LINGO2: variants seen among roughly 807,000 people sequenced by gnomAD.
LINGO2 encodes the protein leucine-rich repeat and immunoglobulin-like domain-containing nogo receptor-interacting protein 2.
A neutral mutation model predicts 30.6 loss-of-function variants in LINGO2; 14 were observed. The observed-to-expected ratio is 0.46, with a 90% confidence interval of 0.30 to 0.72. The LOEUF (loss-of-function observed/expected upper bound fraction) is 0.72, where lower values mean the gene tolerates loss of function less well. Among genes scored for constraint, LINGO2 ranks in the 30% least tolerant of loss-of-function variants. The probability of loss-of-function intolerance (pLI) is 0.07; values close to 1 mark genes in which losing one functional copy is unlikely to be tolerated. For synonymous variants in LINGO2, 317 were observed against 288.5 expected, an observed-to-expected ratio of 1.10 and a Z score of -1.00; for missense variants, 729 against 751.7, an observed-to-expected ratio of 0.97 and a Z score of 0.35.
chr9:29,115,340 T>G, the LINGO2 span, among the ~76,000 whole-genome samples: 43 of 152,192 alleles, frequency 2.8e-4, no homozygotes, highest in African/African-American at 9.9e-4. Context: ...AAATAATAGT[T>G]TATTGGTAAT....
chr9:28,021,870 T>G (rs1823144008), intron 4 of LINGO2, among the ~76,000 whole-genome samples: 1 of 152,008 alleles, frequency 6.6e-6, no homozygotes, highest in Admixed American at 6.6e-5. Context: ...ATCTTTAAAG[T>G]GGGTTTTCTT....
chr9:28,443,765 C>T (rs1824293604), intron 2 of LINGO2, among the ~76,000 whole-genome samples: 1 of 152,148 alleles, frequency 6.6e-6, no homozygotes. Flanking sequence ...CGGCCCTCAG[C>T]ATGGACAGCC....
the LINGO2 span, among the ~76,000 whole-genome samples, chr9:28,705,709 T>C: frequency 6.6e-6 from 1 of 152,132 alleles, no homozygotes; most frequent in East Asian, 1.9e-4. Flanking sequence ...CCAGTATGAA[T>C]GTCCTCGCTG....
intron 4 of LINGO2, among the ~76,000 whole-genome samples, chr9:28,020,998 C>A (rs560518559): frequency 1.5e-3 from 221 of 152,002 alleles, no homozygotes; most frequent in African/African-American, 4.7e-3. Context: ...CTTTTGGTTT[C>A]ATTTCTTTTC....
intron 2 of LINGO2, among the ~76,000 whole-genome samples, chr9:28,469,383 A>T (rs576089313): frequency 6.6e-6 from 1 of 152,264 alleles, no homozygotes; most frequent in Non-Finnish European, 1.5e-5. Context: ...TAAAAGAGAG[A>T]TAAAGTGATA....
Position 28,342,238 on chromosome 9 carries a change from T to A in LINGO2, c.-246+30598A>T, listed in dbSNP as rs76887403. On this transcript the variant is annotated intron_variant, in intron 3 of 5. Transcript: ENST00000379992. ...TTTTGCCTGCTGTGTTTCAACCCTGTCTTCTAATCTATGTTGTTACTTGTC... is the reference window on the plus strand; with the variant it reads ...TTTTGCCTGCTGTGTTTCAACCCTGACTTCTAATCTATGTTGTTACTTGTC... Among the ~76,000 whole-genome samples, 2,028 of 152,256 alleles carry A rather than the reference T, an allele frequency of 0.013. 76 individuals carry two copies. The East Asian group carries it at 0.15, about 11-fold the overall frequency.
chr9:28,879,370 C>T, the LINGO2 span, among the ~76,000 whole-genome samples: 3 of 152,096 alleles, frequency 2.0e-5, no homozygotes, highest in African/African-American at 2.4e-5. Context: ...AAATTTGGTG[C>T]TCAGTTTGGT....
At chr9:28,103,149 GT>G (rs1826467681) in intron 4 of LINGO2, among the ~76,000 whole-genome samples, 1 of 152,132 alleles carries the variant, frequency 6.6e-6, no homozygotes, top group African/African-American at 2.4e-5. Flanking sequence ...AACTTAAGGT[GT>G]TTAAAGGTAA....
the LINGO2 span, among the ~76,000 whole-genome samples, chr9:29,040,699 G>A: frequency 6.6e-6 from 1 of 151,904 alleles, no homozygotes; most frequent in African/African-American, 2.4e-5. Flanking sequence ...CACACAATCA[G>A]TAGAATGCAT....
the LINGO2 span, among the ~76,000 whole-genome samples, chr9:29,081,885 C>T: frequency 6.6e-6 from 1 of 151,720 alleles, no homozygotes; most frequent in African/African-American, 2.4e-5. Flanking sequence ...TGTGAAGGAC[C>T]TCTTCAAGGA....
the LINGO2 span, among the ~76,000 whole-genome samples, chr9:28,991,925 A>G: frequency 6.6e-6 from 1 of 152,186 alleles, no homozygotes; most frequent in African/African-American, 2.4e-5. Flanking sequence ...CAAATTGTAA[A>G]GACCATCGAG....
chr9:28,896,366 T>C, the LINGO2 span, among the ~76,000 whole-genome samples: 2 of 152,172 alleles, frequency 1.3e-5, no homozygotes, highest in Non-Finnish European at 2.9e-5. Flanking sequence ...CATGTTTTCC[T>C]GTCACTGTAT....
intron 2 of LINGO2, among the ~76,000 whole-genome samples, chr9:28,409,705 A>C (rs1822670719): frequency 6.6e-6 from 1 of 151,750 alleles, no homozygotes; most frequent in Non-Finnish European, 1.5e-5. Context: ...TCACACACTA[A>C]TAATGTCCAG....
chr9:27,975,172 T>G (rs190910892), intron 5 of LINGO2, among the ~76,000 whole-genome samples: 182 of 152,250 alleles, frequency 1.2e-3, no homozygotes, highest in African/African-American at 4.2e-3. Flanking sequence ...AAATTCTGTG[T>G]GTCGAATCCA....
rs1165712984 is a variant in LINGO2 at position 28,044,041 on chromosome 9, T to A, written c.-86-31636A>T. Among the ~76,000 whole-genome samples the A allele has an allele frequency of 2.6e-5, 4 of 152,244 alleles. No homozygotes were observed. In the East Asian group the frequency reaches 7.7e-4, roughly 29 times the overall value. On this transcript the variant is annotated intron_variant, in intron 4 of 5. Transcript: ENST00000379992. Reference sequence around the variant, plus strand: ...TCGAATGTGAAGCTCCATGCCTTTGTACTAGCAGTTTTAGATCTGTCTTTA... The same window carrying A: ...TCGAATGTGAAGCTCCATGCCTTTGAACTAGCAGTTTTAGATCTGTCTTTA...
At chr9:28,275,575 G>A (rs539800679) in intron 4 of LINGO2, among the ~76,000 whole-genome samples, 101 of 152,160 alleles carry the variant, frequency 6.6e-4, no homozygotes, top group African/African-American at 2.4e-3. Context: ...AGCACAAGAA[G>A]GTGTCTTCTG....
intron 4 of LINGO2, among the ~76,000 whole-genome samples, chr9:28,194,113 G>C (rs1819923510): frequency 6.6e-6 from 1 of 152,142 alleles, no homozygotes. Context: ...CTTTCCAAAA[G>C]GGGATTGTTG....
At chr9:29,155,813 T>C in the LINGO2 span, among the ~76,000 whole-genome samples, 3 of 152,108 alleles carry the variant, frequency 2.0e-5, no homozygotes, top group Non-Finnish European at 2.9e-5. Flanking sequence ...TGACAGTTTA[T>C]TCTGGAGTAA....
At chr9:29,096,671 A>C in the LINGO2 span, among the ~76,000 whole-genome samples, 3 of 140,578 alleles carry the variant, frequency 2.1e-5, no homozygotes, top group African/African-American at 8.0e-5. Flanking sequence ...AGATCCTGCC[A>C]GAAAAAGGCT....
Sources: allele counts gnomAD v4.1 joint callset (sites outside exome capture counted in the v4.1 genomes callset), GRCh38; gene constraint gnomAD v4.1.1; transcripts MANE v1.5; gene names NCBI Gene and HGNC (gene_info 2026-07-23, HGNC 2026-07-21).